PCDHGC5: variants seen among roughly 807,000 people sequenced by gnomAD.
PCDHGC5 encodes protocadherin gamma-C5.
Under a neutral mutation model 59.0 loss-of-function variants are expected in PCDHGC5, and 25 were observed. The ratio of observed to expected loss-of-function variants is 0.42; its 90% CI spans 0.31 to 0.59. The LOEUF (loss-of-function observed/expected upper bound fraction) is 0.59, where lower values mean the gene tolerates loss of function less well. Among genes scored for constraint, PCDHGC5 ranks in the 20% least tolerant of loss-of-function variants. The pLI, the probability that PCDHGC5 is intolerant of heterozygous loss-of-function variation, is 0.13. For synonymous variants in PCDHGC5, 434 were observed against 505.5 expected (o/e 0.86, Z 1.90); for missense variants, 1,067 against 1,206.4 (o/e 0.88, Z 1.71).
chr5:141,498,197 A>C (rs1191884415), intron 2 of PCDHGC5, among the ~76,000 whole-genome samples: 1 of 152,246 alleles, frequency 6.6e-6, no homozygotes. Flanking sequence ...AACCAGCTAA[A>C]GAAAAGAAGG....
rs761202330 is a variant in PCDHGC5 at position 141,489,878 on chromosome 5, C to T, written c.638C>T (p.Thr213Ile). 1.1e-5 allele frequency: 17 copies of T among 1,614,116 alleles called. No individual in the cohort carries two copies. In the East Asian group the frequency reaches 3.6e-4, roughly 34 times the overall value. Residue 213 changes from threonine to isoleucine, a missense_variant, in exon 1 of 4, where the codon ACT becomes ATT. Thr to Ile is a moderately conservative substitution (Grantham distance 89). Transcript: ENST00000252087. This position sits in a 1 kb window ranked among gnomAD's most constrained non-coding sequence, Gnocchi z 4.5. ...CAGGCAAGACATCAGCTGGTGCTTA[C>T]TGCTGTGGATGGGGGGACCCCAGCC... is the stretch of plus-strand genomic sequence containing the variant. ...EAQARHQLVL[T>I]AVDGGTPARS...
chr5:141,492,396 A>G (rs1400291073), intron 1 of PCDHGC5, among the ~76,000 whole-genome samples: 1 of 152,188 alleles, frequency 6.6e-6, no homozygotes, highest in Non-Finnish European at 1.5e-5. Flanking sequence ...GTCCACTCGC[A>G]GCTCCCCTCT....
chr5:141,495,005 C>T (rs555909709), intron 2 of PCDHGC5, 140 bp downstream of exon 2: 1,141 of 1,522,692 alleles, frequency 7.5e-4, no homozygotes, highest in Non-Finnish European at 8.4e-4. Context: ...TCTTGGTGTG[C>T]GGGGGGCTGG....
intron 2 of PCDHGC5, among the ~76,000 whole-genome samples, chr5:141,499,022 A>C (rs1244590420): frequency 2.7e-5 from 4 of 150,722 alleles, no homozygotes; most frequent in Admixed American, 2.0e-4. Context: ...GGAAGGAAGG[A>C]AGGAAGAAAA....
chr5:141,510,862 C>CATTCA, intron 3 of PCDHGC5, 85 bp from the exon 4 acceptor site: 1 of 1,606,772 alleles, frequency 6.2e-7, no homozygotes, highest in South Asian at 1.1e-5. Flanking sequence ...GCTGTATAGG[C>CATTCA]ATTCATTAAC....
Position 141,511,002 on chromosome 5 carries a change from C to A in PCDHGC5, c.2664C>A (p.Ser888Arg), listed in dbSNP as rs143630962. The change falls in exon 4 of 4, where the codon AGC becomes AGA. Residue 888 changes from serine to arginine, a missense_variant. Physicochemically the swap from Ser to Arg is moderately radical, Grantham distance 110. Transcript: ENST00000252087. Reference protein sequence around the residue: ...LGGGAGTMGLSARYGPQFTLQ... With the variant: ...LGGGAGTMGLRARYGPQFTLQ... ...GGGGTGCCGGCACCATGGGATTGAG[C>A]GCCCGCTACGGACCCCAGTTCACCC... The A allele has an allele frequency of 8.7e-6, 14 of 1,614,140 alleles. No homozygotes were observed. The highest frequency in any genetic ancestry group is 1.2e-5 in the Non-Finnish European group (14 of 1,180,018).
chr5:141,494,751 G>A, intron 1 of PCDHGC5, 56 bp from the exon 2 acceptor site: 2 of 1,613,426 alleles, frequency 1.2e-6, no homozygotes, highest in Non-Finnish European at 8.5e-7. Flanking sequence ...AGGGGCTCGG[G>A]TGACATTCTA....
rs2099883943 is a variant in PCDHGC5, at chr5:141,511,766, G to A, written c.*593G>A. ...TGGAGGACATGATCACCATCCCCAT[G>A]GTACTGATGCTTGCTGGATTTAGGG... On this transcript the variant is annotated 3_prime_UTR_variant, in exon 4 of 4. Coordinates refer to ENST00000252087, the MANE Select transcript of PCDHGC5 (RefSeq NM_018929.3). 2 of 161,712 alleles carry A rather than the reference G, an allele frequency of 1.2e-5. No homozygotes were observed. Among genetic ancestry groups the A allele is most frequent in the Non-Finnish European group, 2.8e-5 (2 of 72,704 alleles). The allele number at this position is 161,712 out of a possible 1,614,324, so 10.0% of individuals were successfully genotyped here.
Position 141,491,793 on chromosome 5 carries a change from C to A in PCDHGC5, c.2460+93C>A. 6.6e-7 allele frequency: 1 copy of A among 1,511,410 alleles called. No homozygotes were observed. The highest frequency in any genetic ancestry group is 1.3e-5 in the South Asian group (1 of 77,572). The allele number at this position is 1,511,410 out of a possible 1,614,324, so 93.6% of individuals were successfully genotyped here. On this transcript the variant is annotated intron_variant, in intron 1 of 3. Coordinates refer to ENST00000252087, the MANE Select transcript of PCDHGC5 (RefSeq NM_018929.3). This position sits in a 1 kb window ranked among gnomAD's most constrained non-coding sequence, Gnocchi z 6.9. ...AGGGATTGAACTTGCATCCACTCCT[C>A]TCCGGCCGGCTTGGTCGCTGGCTGC...
rs1308930168 is a variant in PCDHGC5, at chr5:141,489,620, A to G, written c.380A>G (p.Asn127Ser). 2.5e-6 allele frequency: 4 copies of G among 1,614,058 alleles called. No individual in the cohort carries two copies. Among genetic ancestry groups the G allele is most frequent in the South Asian group, 2.2e-5 (2 of 91,072 alleles). The stretch of plus-strand genomic sequence containing the variant: ...GTAGAGGTAGAGATCCTGGATCTCA[A>G]TGACAACTCTCCTAGCTTTGCCACC... ...IRVEVEILDLNDNSPSFATPE... is the reference protein window; with the variant it reads ...IRVEVEILDLSDNSPSFATPE... The change falls in exon 1 of 4, where the codon AAT (asparagine) becomes AGT (serine). Residue 127 changes from asparagine (N) to serine (S), a missense_variant. By Grantham distance (46) the Asn-to-Ser change is conservative. Transcript: ENST00000252087. This position sits in a 1 kb window ranked among gnomAD's most constrained non-coding sequence, Gnocchi z 4.5.
Position 141,492,023 on chromosome 5 carries a change from C to G in PCDHGC5, c.2460+323C>G, listed in dbSNP as rs536734764. 1.8e-4 allele frequency: 102 copies of G among 564,804 alleles called. 3 individuals carry two copies. In the South Asian group the frequency reaches 2.8e-3, roughly 15 times the overall value. The allele number at this position is 564,804 out of a possible 1,614,324, so 35.0% of individuals were successfully genotyped here. A position where few individuals can be genotyped will look rare whatever the true frequency, so the allele number is the denominator to read the frequency against. On this transcript the variant is annotated intron_variant, in intron 1 of 3. Coordinates refer to ENST00000252087, the MANE Select transcript of PCDHGC5 (RefSeq NM_018929.3). Reference sequence around the variant, plus strand: ...CGATTTCCGCGGGTGTCGGGGGTCCCGGGAGGAGGCAGTCACAGATCCACC... The same window carrying G: ...CGATTTCCGCGGGTGTCGGGGGTCCGGGGAGGAGGCAGTCACAGATCCACC...
At chr5:141,503,836 A>G (rs1260399957) in intron 2 of PCDHGC5, among the ~76,000 whole-genome samples, 4 of 152,142 alleles carry the variant, frequency 2.6e-5, no homozygotes, top group Admixed American at 6.5e-5. Flanking sequence ...AAAAGCAGGG[A>G]CAGACCTTGG....
chr5:141,490,686 C>T lies in PCDHGC5; in HGVS notation c.1446C>T (p.Asp482=). The T allele has an allele frequency of 3.7e-6, 6 of 1,614,196 alleles. No homozygotes were observed. The highest frequency in any genetic ancestry group is 5.1e-6 in the Non-Finnish European group (6 of 1,180,014). ...GCACTGTGGCTGCCTCAGATCCAGA[C>T]ACTGGGGATAATGCCCGCCTCACCT... ...LLCTVAASDP[D]TGDNARLTYS... The change falls in exon 1 of 4, where the codon GAC becomes GAT. Residue 482 remains aspartate (D), a synonymous_variant. Coordinates refer to ENST00000252087, the MANE Select transcript of PCDHGC5 (RefSeq NM_018929.3). This position sits in a 1 kb window ranked among gnomAD's most constrained non-coding sequence, Gnocchi z 5.4.
chr5:141,501,419 C>A (rs910783867), intron 2 of PCDHGC5, among the ~76,000 whole-genome samples: 1 of 151,920 alleles, frequency 6.6e-6, no homozygotes, highest in Non-Finnish European at 1.5e-5. Flanking sequence ...AAATAGTTGA[C>A]TAAATGTAGT....
intron 2 of PCDHGC5, among the ~76,000 whole-genome samples, chr5:141,504,748 T>A (rs979724181): frequency 7.2e-5 from 11 of 151,880 alleles, no homozygotes; most frequent in Non-Finnish European, 1.3e-4. Context: ...CCATTGAATT[T>A]TAGAAATTTC....
chr5:141,494,898 T>C, intron 2 of PCDHGC5, 33 bp downstream of exon 2: 1 of 1,614,074 alleles, frequency 6.2e-7, no homozygotes, highest in Non-Finnish European at 8.5e-7. Flanking sequence ...CACCCTCTTC[T>C]CTGCGGCATT....
At chr5:141,501,312 C>T (rs2099807672) in intron 2 of PCDHGC5, among the ~76,000 whole-genome samples, 1 of 151,778 alleles carries the variant, frequency 6.6e-6, no homozygotes, top group South Asian at 2.1e-4. Context: ...CACACACACA[C>T]ACACACACAC....
intron 1 of PCDHGC5, among the ~76,000 whole-genome samples, chr5:141,494,177 TG>T (rs2099752471): frequency 6.6e-6 from 1 of 152,176 alleles, no homozygotes; most frequent in Non-Finnish European, 1.5e-5. Flanking sequence ...GGGTGAGAAG[TG>T]TCCCGGGACT....
Position 141,491,215 on chromosome 5 carries a change from A to G in PCDHGC5, c.1975A>G (p.Thr659Ala), listed in dbSNP as rs546893944. 2.5e-6 allele frequency: 4 copies of G among 1,614,196 alleles called. No individual in the cohort carries two copies. Among genetic ancestry groups the G allele is most frequent in the Non-Finnish European group, 3.4e-6 (4 of 1,180,036 alleles). The change falls in exon 1 of 4, where the codon ACA becomes GCA. Residue 659 changes from threonine to alanine, a missense_variant. Thr to Ala is a moderately conservative substitution (Grantham distance 58). Coordinates refer to ENST00000252087, the MANE Select transcript of PCDHGC5 (RefSeq NM_018929.3). This position sits in a 1 kb window ranked among gnomAD's most constrained non-coding sequence, Gnocchi z 6.9. ...RDNGDPSLSS[T>A]ATVLLVLEDE... ...CAATGGTGACCCTTCACTCTCCTCC[A>G]CAGCCACAGTGCTGCTGGTTCTGGA...
Sources: allele counts gnomAD v4.1 joint callset (sites outside exome capture counted in the v4.1 genomes callset), GRCh38; gene constraint gnomAD v4.1.1; non-coding constraint Gnocchi (gnomAD v3.1); transcripts MANE v1.5; gene names NCBI Gene and HGNC (gene_info 2026-07-23, HGNC 2026-07-21).